The following KALRN variants were observed in gnomAD, a reference collection of about 807,000 sequenced individuals.
The protein encoded by KALRN is kalirin.
In KALRN, 70 loss-of-function variants were observed where a neutral mutation model predicts 353.7. That is an observed-to-expected ratio of 0.20 (90% CI 0.16 to 0.24). The LOEUF is 0.24. Among genes scored for constraint, KALRN ranks in the 10% least tolerant of loss-of-function variants. The pLI is 1.00. For missense variants in KALRN, 2,791 were observed against 3,756.7 expected, an observed-to-expected ratio of 0.74 and a Z score of 6.72; for synonymous variants, 1,391 against 1,434.8, an observed-to-expected ratio of 0.97 and a Z score of 0.69.
chr3:124,515,570 C>A (rs2066440632), intron 33 of KALRN, among the ~76,000 whole-genome samples: 1 of 152,016 alleles, frequency 6.6e-6, no homozygotes. Flanking sequence ...AATTACCAGG[C>A]AAATATTTCA....
In KALRN at chr3:124,657,718, C is replaced by T; in HGVS notation, c.5967-16C>T. 1 of 1,597,516 alleles carries T rather than the reference C, an allele frequency of 6.3e-7. No individual in the cohort carries two copies. Among genetic ancestry groups the T allele is most frequent in the South Asian group, 1.1e-5 (1 of 90,666 alleles). On this transcript the variant is annotated splice_polypyrimidine_tract_variant and intron_variant, in intron 40 of 59. Coordinates refer to ENST00000682506, the MANE Select transcript of KALRN (RefSeq NM_001388419.1). Reference sequence around the variant, plus strand: ...AATAATGTGGCTTCCTTCTCTTATCCCCTTTCTCCTTTTAGTTTTTTCCTG... The same window carrying T: ...AATAATGTGGCTTCCTTCTCTTATCTCCTTTCTCCTTTTAGTTTTTTCCTG...
intron 1 of KALRN, among the ~76,000 whole-genome samples, chr3:124,087,071 A>G (rs2060865268): frequency 6.6e-6 from 1 of 152,184 alleles, no homozygotes; most frequent in Non-Finnish European, 1.5e-5. Flanking sequence ...TTGCTTCTGT[A>G]TGCTCTAAAA....
At chr3:124,123,352 A>C (rs1317254432) in intron 1 of KALRN, among the ~76,000 whole-genome samples, 2 of 152,238 alleles carry the variant, frequency 1.3e-5, no homozygotes, top group Non-Finnish European at 2.9e-5. Context: ...GCTGATATAA[A>C]GTTCTAGCGA....
In KALRN at chr3:124,477,217, T is replaced by C. The variant is rs748540708; in HGVS notation, c.4102-28T>C. The C allele has an allele frequency of 8.0e-6, 12 of 1,498,572 alleles. No individual in the cohort carries two copies. In the South Asian group the frequency reaches 1.4e-4, roughly 17 times the overall value. 92.8% of individuals were successfully genotyped at this position (1,498,572 alleles called of 1,614,324 possible). A position where few individuals can be genotyped will look rare whatever the true frequency, so the allele number is the denominator to read the frequency against. On this transcript the variant is annotated intron_variant, in intron 26 of 59. Transcript: ENST00000682506. Reference sequence around the variant, plus strand: ...CAGAAGGGAACAACTAATGAATGCTTATCTATTATTATCTTTGTTCTTTTT... The same window carrying C: ...CAGAAGGGAACAACTAATGAATGCTCATCTATTATTATCTTTGTTCTTTTT...
rs758920726 is a variant in KALRN at position 124,696,233 on chromosome 3, G to A, written c.7677G>A (p.Thr2559=). ...CAAATGACCACGGGACCACATCAACGTCTGCAACAGTCAAAGTGCAAGGTA... is the reference window on the plus strand; with the variant it reads ...CAAATGACCACGGGACCACATCAACATCTGCAACAGTCAAAGTGCAAGGTA... ...IATNDHGTTS[T]SATVKVQGVP... Residue 2559 remains threonine, a synonymous_variant, in exon 54 of 60, where the codon ACG becomes ACA. Transcript: ENST00000682506. 24 of 1,613,968 alleles carry A rather than the reference G, an allele frequency of 1.5e-5. No homozygotes were observed. Among genetic ancestry groups the A allele is most frequent in the Admixed American group, 5.0e-5 (3 of 60,012 alleles).
chr3:124,277,060 G>T (rs533462040), intron 5 of KALRN, among the ~76,000 whole-genome samples: 6 of 152,242 alleles, frequency 3.9e-5, no homozygotes, highest in Admixed American at 3.9e-4. Context: ...CAGGAACCTA[G>T]GCGGTGGCTA....
At chr3:124,047,993 C>T (rs1000230904) in intron 1 of KALRN, among the ~76,000 whole-genome samples, 1 of 152,022 alleles carries the variant, frequency 6.6e-6, no homozygotes, top group Non-Finnish European at 1.5e-5. Context: ...GGATTCACTC[C>T]CTTGATCCAT....
At chr3:124,230,528 C>T (rs79741045) in intron 2 of KALRN, among the ~76,000 whole-genome samples, 3,064 of 152,236 alleles carry the variant, frequency 0.02, 121 homozygotes, top group African/African-American at 0.07. Context: ...AGAAAAAAAC[C>T]TTCTCAAGTG....
intron 13 of KALRN, among the ~76,000 whole-genome samples, chr3:124,402,566 A>G (rs966780629): frequency 6.6e-6 from 1 of 152,196 alleles, no homozygotes; most frequent in African/African-American, 2.4e-5. Context: ...TACAATTAGG[A>G]TAATCAGAAA....
In KALRN at chr3:124,492,756, C is replaced by T. The variant is rs766018442; in HGVS notation, c.4706C>T (p.Thr1569Ile). ...KTVLKASNIE[T>I]KQEWIKNIRE... ...GCACTCTAGGCCTCCAACATTGAAA[C>T]CAAGCAGGAGTGGATCAAGAACATT... The change falls in exon 32 of 60, where the codon ACC becomes ATC. Residue 1569 changes from threonine (T) to isoleucine (I), a missense_variant. Thr to Ile is a moderately conservative substitution (Grantham distance 89). This residue lies in a region of KALRN where 239 missense variants were observed against 351.3 expected (regional missense o/e 0.68). Coordinates refer to ENST00000682506, the MANE Select transcript of KALRN (RefSeq NM_001388419.1). 6.2e-7 allele frequency: 1 copy of T among 1,613,868 alleles called. No individual in the cohort carries two copies. Among genetic ancestry groups the T allele is most frequent in the Admixed American group, 1.7e-5 (1 of 59,974 alleles).
chr3:124,071,261 G>C (rs963722968), intron 1 of KALRN, among the ~76,000 whole-genome samples: 2 of 152,138 alleles, frequency 1.3e-5, no homozygotes, highest in African/African-American at 4.8e-5. Flanking sequence ...TAAGTTTGCT[G>C]GAAATTCATT....
chr3:124,716,106 C>A (rs1426521886), intron 58 of KALRN, among the ~76,000 whole-genome samples: 1 of 152,234 alleles, frequency 6.6e-6, no homozygotes, highest in African/African-American at 2.4e-5. Flanking sequence ...ATGACTTGCT[C>A]CCAGCCTTCA....
At chr3:124,526,375 C>A (rs2067591805) in intron 33 of KALRN, among the ~76,000 whole-genome samples, 1 of 152,086 alleles carries the variant, frequency 6.6e-6, no homozygotes, top group South Asian at 2.1e-4. Context: ...GAGTTCGAGA[C>A]CAGCATGGCC....
chr3:124,229,233 G>A (rs1054753158), intron 2 of KALRN, among the ~76,000 whole-genome samples: 1 of 152,222 alleles, frequency 6.6e-6, no homozygotes, highest in African/African-American at 2.4e-5. Context: ...TTAAGAAAAA[G>A]TCCGGTGACC....
Position 124,033,853 on chromosome 3 carries a change from A to T in KALRN, c.73+40A>T, listed in dbSNP as rs1237041372. 2.0e-5 allele frequency among the ~76,000 whole-genome samples: 3 copies of T among 152,142 alleles called. No individual in the cohort carries two copies. The highest frequency in any genetic ancestry group is 4.4e-5 in the Non-Finnish European group (3 of 68,010). On this transcript the variant is annotated intron_variant, in intron 1 of 59. Transcript: ENST00000682506. The surrounding 1 kb of genome is among the most constrained non-coding windows in gnomAD (Gnocchi z 6.2). ...GCGCGGGGGGCCAGGGCTGAAGGCTACTGCCTCGGACGCGGCGTCTCGGAC... is the reference window on the plus strand; with the variant it reads ...GCGCGGGGGGCCAGGGCTGAAGGCTTCTGCCTCGGACGCGGCGTCTCGGAC...
At chr3:124,625,127 T>A (rs1185254716) in intron 34 of KALRN, among the ~76,000 whole-genome samples, 1 of 152,176 alleles carries the variant, frequency 6.6e-6, no homozygotes, top group Non-Finnish European at 1.5e-5. Flanking sequence ...TTTTCAAATA[T>A]TAACTTCTTA....
chr3:124,218,224 T>C (rs2077536567), intron 1 of KALRN, among the ~76,000 whole-genome samples: 1 of 152,150 alleles, frequency 6.6e-6, no homozygotes, highest in Admixed American at 6.5e-5. Context: ...CAAACTGACT[T>C]TTCAAGTCAG....
At chr3:124,281,054 A>G (rs909319511) in intron 5 of KALRN, among the ~76,000 whole-genome samples, 4 of 152,148 alleles carry the variant, frequency 2.6e-5, no homozygotes, top group East Asian at 1.9e-4. Flanking sequence ...AACTTAAAGT[A>G]TAATAAAAAA....
chr3:124,227,689 T>G (rs1434213900), intron 1 of KALRN, among the ~76,000 whole-genome samples: 5 of 71,194 alleles, frequency 7.0e-5, no homozygotes, highest in South Asian at 4.7e-4. Context: ...TTTTTTTTTT[T>G]TTTTTTTTTT....
Sources: allele counts gnomAD v4.1 joint callset (sites outside exome capture counted in the v4.1 genomes callset), GRCh38; gene constraint gnomAD v4.1.1; regional missense constraint gnomAD v4.1.1; non-coding constraint Gnocchi (gnomAD v3.1); transcripts MANE v1.5; gene names NCBI Gene and HGNC (gene_info 2026-07-23, HGNC 2026-07-21).